ACSL3: variants seen among roughly 807,000 people sequenced by gnomAD.
ACSL3 encodes fatty acid CoA ligase Acsl3.
Under a neutral mutation model 84.7 loss-of-function variants are expected in ACSL3, and 34 were observed. The ratio of observed to expected loss-of-function variants is 0.40; its 90% CI spans 0.31 to 0.53. The LOEUF (loss-of-function observed/expected upper bound fraction) is 0.53. Ranked by LOEUF, ACSL3 falls within the 20% of genes least tolerant of loss-of-function variation. ACSL3 has a pLI of 0.48. For missense variants in ACSL3, 680 were observed against 873.1 expected (o/e 0.78, Z 2.79); for synonymous variants, 315 against 299.4 (o/e 1.05, Z -0.54).
At chr2:222,874,643 C>G (rs1390123932) in intron 1 of ACSL3, among the ~76,000 whole-genome samples, 1 of 151,466 alleles carries the variant, frequency 6.6e-6, no homozygotes, top group Non-Finnish European at 1.5e-5. Context: ...CCACTGCACT[C>G]CAACATGTGA....
At chr2:222,884,602 A>G (rs896182933) in intron 1 of ACSL3, among the ~76,000 whole-genome samples, 4 of 152,188 alleles carry the variant, frequency 2.6e-5, no homozygotes, top group Non-Finnish European at 5.9e-5. Context: ...TCACGTCACC[A>G]TCTCCTTCAT....
intron 1 of ACSL3, among the ~76,000 whole-genome samples, chr2:222,878,993 C>T (rs746633439): frequency 5.9e-5 from 9 of 152,030 alleles, no homozygotes; most frequent in South Asian, 2.1e-4. Context: ...TCTGTGTTGA[C>T]CCAAGTAATC....
intron 1 of ACSL3, among the ~76,000 whole-genome samples, chr2:222,887,544 G>T (rs146841310): frequency 4.6e-4 from 70 of 152,298 alleles, no homozygotes; most frequent in African/African-American, 1.7e-3. Context: ...CACCAGCAAT[G>T]AATGAGAGTT....
In ACSL3 at chr2:222,942,695, GAGTCAGTGGTAGCTTATTTAA is replaced by G. The variant is rs1420568350; in HGVS notation, c.*1043_*1063del. ...CACTGATGCGTGTATGGATGTGTGT[GAGTCAGTGGTAGCTTATTTAA>G]AAAGCACCTTATCCTTTCTCCCATA... On this transcript the variant is annotated 3_prime_UTR_variant, in exon 17 of 17. Coordinates refer to ENST00000357430, the MANE Select transcript of ACSL3 (RefSeq NM_004457.5). The G allele has an allele frequency of 4.7e-6, 1 of 211,016 alleles. No homozygotes were observed. The highest frequency in any genetic ancestry group is 2.3e-5 in the African/African-American group (1 of 44,180). The allele number at this position is 211,016 out of a possible 1,614,324, so 13.1% of individuals were successfully genotyped here.
At chr2:222,908,561 G>A (rs967971178) in intron 3 of ACSL3, among the ~76,000 whole-genome samples, 172 bp from the exon 4 acceptor site, 23 of 151,936 alleles carry the variant, frequency 1.5e-4, no homozygotes, top group Admixed American at 1.3e-4. Context: ...TAATTCCGTT[G>A]TTAATAGATA....
intron 2 of ACSL3, among the ~76,000 whole-genome samples, chr2:222,889,804 T>G (rs965397332): frequency 2.6e-5 from 4 of 152,144 alleles, no homozygotes; most frequent in Non-Finnish European, 1.5e-5. Flanking sequence ...TGTAATCTGG[T>G]TTTTGAGCAC....
At chr2:222,886,058 T>C (rs1158165487) in intron 1 of ACSL3, among the ~76,000 whole-genome samples, 1 of 152,134 alleles carries the variant, frequency 6.6e-6, no homozygotes, top group East Asian at 1.9e-4. Context: ...AAAAAAAGTT[T>C]ATTTATTATT....
intron 1 of ACSL3, among the ~76,000 whole-genome samples, chr2:222,885,483 A>G (rs1010040601): frequency 1.3e-5 from 2 of 152,176 alleles, no homozygotes; most frequent in African/African-American, 4.8e-5. Context: ...GTAATAAACA[A>G]TGTGGAATTT....
At chr2:222,923,848 T>TA (rs1465407572) in intron 10 of ACSL3, among the ~76,000 whole-genome samples, 1 of 152,202 alleles carries the variant, frequency 6.6e-6, no homozygotes, top group Non-Finnish European at 1.5e-5. Flanking sequence ...TTAGTTCACT[T>TA]AAAAATGACG....
rs1695691117 is a variant in ACSL3, at chr2:222,885,214, G to A, written c.-206-2616G>A. Among the ~76,000 whole-genome samples the A allele has an allele frequency of 3.9e-5, 6 of 152,120 alleles. No individual in the cohort carries two copies. The South Asian group carries it at 1.2e-3, about 32-fold the overall frequency. On this transcript the variant is annotated intron_variant, in intron 1 of 16. Coordinates refer to ENST00000357430, the MANE Select transcript of ACSL3 (RefSeq NM_004457.5). ...AATAAAGTAGGGTAAAGTAAGCATG[G>A]CACATAAGTTTCCCCAGGGCATATT...
intron 8 of ACSL3, among the ~76,000 whole-genome samples, 196 bp from the exon 9 acceptor site, chr2:222,922,512 T>C (rs1696766170): frequency 1.3e-5 from 2 of 151,824 alleles, no homozygotes; most frequent in Non-Finnish European, 2.9e-5. Context: ...TAATTCTTTT[T>C]CCCTCCCATC....
At chr2:222,912,168 T>G (rs1696459403) in intron 4 of ACSL3, among the ~76,000 whole-genome samples, 1 of 152,242 alleles carries the variant, frequency 6.6e-6, no homozygotes, top group Admixed American at 6.5e-5. Context: ...GTAGTTTCTC[T>G]TGGCCATACT....
chr2:222,882,574 G>A (rs940541138), intron 1 of ACSL3, among the ~76,000 whole-genome samples: 4 of 152,050 alleles, frequency 2.6e-5, no homozygotes, highest in African/African-American at 7.2e-5. Flanking sequence ...CTTGCATGCC[G>A]AATTCCTGCT....
intron 16 of ACSL3, among the ~76,000 whole-genome samples, chr2:222,935,176 G>T (rs954345144): frequency 2.6e-5 from 4 of 152,120 alleles, no homozygotes; most frequent in Admixed American, 2.0e-4. Context: ...CATAAAACAA[G>T]CGTGAATTAT....
At chr2:222,913,809 A>G (rs1417042967) in intron 4 of ACSL3, among the ~76,000 whole-genome samples, 3 of 152,182 alleles carry the variant, frequency 2.0e-5, no homozygotes, top group Non-Finnish European at 2.9e-5. Context: ...TGAACAAGTT[A>G]TATTTACTCT....
chr2:222,936,667 G>T (rs1042473651), intron 16 of ACSL3, among the ~76,000 whole-genome samples: 6 of 117,998 alleles, frequency 5.1e-5, no homozygotes, highest in African/African-American at 2.0e-4. Context: ...TTCTGAACAT[G>T]TATTAGTCTG....
Position 222,908,819 on chromosome 2 carries a change from A to G in ACSL3, c.47A>G (p.His16Arg), listed in dbSNP as rs1229317711. The change falls in exon 4 of 17, where the codon CAT becomes CGT. Residue 16 changes from histidine (H) to arginine (R), a missense_variant. Physicochemically the swap from His to Arg is conservative, Grantham distance 29. Around this residue, in one of 2 missense-constraint regions of ACSL3, gnomAD observed 333 missense variants for 347.5 expected, o/e 0.96. Transcript: ENST00000357430. ...SSKPSTMKLKHTINPILLYFI... is the reference protein window; with the variant it reads ...SSKPSTMKLKRTINPILLYFI... ...AAACCATCTACCATGAAGCTAAAAC[A>G]TACCATCAACCCTATTCTTTTATAT... The G allele has an allele frequency of 1.2e-6, 2 of 1,605,684 alleles. No individual in the cohort carries two copies. Among genetic ancestry groups the G allele is most frequent in the Non-Finnish European group, 1.7e-6 (2 of 1,176,842 alleles).
chr2:222,934,900 G>T (rs1697133618), intron 16 of ACSL3, among the ~76,000 whole-genome samples: 1 of 152,182 alleles, frequency 6.6e-6, no homozygotes, highest in African/African-American at 2.4e-5. Context: ...TATCTTGAAT[G>T]TTCTTGTCTC....
Position 222,941,623 on chromosome 2 carries a change from C to G in ACSL3, c.2132C>G (p.Ala711Gly). ...KRKELKTHYQADIERMYGRK is the reference protein window; with the variant it reads ...KRKELKTHYQGDIERMYGRK ...AAAGAGCTTAAAACACATTACCAGG[C>G]GGACATTGAGCGAATGTATGGAAGA... Residue 711 changes from alanine to glycine, a missense_variant, in exon 17 of 17, where the codon GCG becomes GGG. This residue lies in a region of ACSL3 where 347 missense variants were observed against 525.7 expected (regional missense o/e 0.66). Transcript: ENST00000357430. The G allele has an allele frequency of 6.2e-7, 1 of 1,613,068 alleles. No homozygotes were observed. Among genetic ancestry groups the G allele is most frequent in the Non-Finnish European group, 8.5e-7 (1 of 1,179,536 alleles).
Sources: gnomAD v4.1 joint callset for allele counts (sites outside exome capture counted in the v4.1 genomes callset) on GRCh38, gnomAD v4.1.1 for gene constraint, gnomAD v4.1.1 regional missense constraint, MANE v1.5 for transcripts, NCBI Gene and HGNC (gene_info 2026-07-23, HGNC 2026-07-21) for gene names.